The following EAF1 variants were observed in gnomAD, a reference collection of about 807,000 sequenced individuals.
The protein encoded by EAF1 is ELL associated factor 1.
Under a neutral mutation model 26.6 loss-of-function variants are expected in EAF1, and 19 were observed. The ratio of observed to expected loss-of-function variants is 0.71; its 90% CI spans 0.50 to 1.05. The LOEUF (loss-of-function observed/expected upper bound fraction) is 1.05, where lower values mean the gene tolerates loss of function less well. Ranked by LOEUF, EAF1 falls within the 50% of genes least tolerant of loss-of-function variation. The pLI is 0.00. For missense variants in EAF1, 260 were observed against 335.5 expected (o/e 0.78, Z 1.76); for synonymous variants, 102 against 120.6 (o/e 0.85, Z 1.01).
intron 1 of EAF1, among the ~76,000 whole-genome samples, chr3:15,429,239 A>G (rs1466848378): frequency 6.6e-6 from 1 of 152,072 alleles, no homozygotes; most frequent in Non-Finnish European, 1.5e-5. Context: ...GGTGGCTGAC[A>G]CTATAATCCC....
rs977246072 is a variant in EAF1, at chr3:15,442,021, G to A, written c.*2866G>A. The A allele has an allele frequency of 6.6e-6, 1 of 152,586 alleles. No individual in the cohort carries two copies. The highest frequency in any genetic ancestry group is 1.5e-5 in the Non-Finnish European group (1 of 68,038). The allele number at this position is 152,586 out of a possible 1,614,324, so 9.5% of individuals were successfully genotyped here. The stretch of plus-strand genomic sequence containing the variant: ...GCGCTTAGTAAGCCTTAGTAAAGTT[G>A]TGATTGAAGAAACTTAATACAAATG... On this transcript the variant is annotated 3_prime_UTR_variant, in exon 6 of 6. Coordinates refer to ENST00000396842, the MANE Select transcript of EAF1 (RefSeq NM_033083.7).
At chr3:15,437,343 G>A (rs1371078080) in intron 5 of EAF1, among the ~76,000 whole-genome samples, 1 of 148,420 alleles carries the variant, frequency 6.7e-6, no homozygotes, top group Non-Finnish European at 1.5e-5. Context: ...GGTAGAGACA[G>A]GGTTTCGCCA....
At chr3:15,432,364 G>A (rs1215334516) in intron 3 of EAF1, 141 bp downstream of exon 3, 30 of 1,003,930 alleles carry the variant, frequency 3.0e-5, no homozygotes, top group South Asian at 1.7e-4. Flanking sequence ...GACAAAATAT[G>A]TAAATATGTG....
chr3:15,431,959 T>A, intron 2 of EAF1, 128 bp from the exon 3 acceptor site: 1 of 1,065,742 alleles, frequency 9.4e-7, no homozygotes, highest in Non-Finnish European at 1.3e-6. Flanking sequence ...AAAATAGAAA[T>A]CAGTTCAACC....
chr3:15,429,555 C>G (rs2301268), intron 1 of EAF1, among the ~76,000 whole-genome samples: 9,439 of 152,254 alleles, frequency 0.062, 776 homozygotes, highest in African/African-American at 0.19. Context: ...CAATTTTCCT[C>G]TCTCCCTTGG....
chr3:15,435,194 T>A (rs1348681073), intron 4 of EAF1, among the ~76,000 whole-genome samples: 1 of 152,220 alleles, frequency 6.6e-6, no homozygotes, highest in African/African-American at 2.4e-5. Flanking sequence ...TAGAAACAGA[T>A]ACTGGCCTAG....
chr3:15,440,984 CCTCT>C lies in EAF1; in HGVS notation c.*1836_*1839del, dbSNP rs918738341. On this transcript the variant is annotated 3_prime_UTR_variant, in exon 6 of 6. Coordinates refer to ENST00000396842, the MANE Select transcript of EAF1 (RefSeq NM_033083.7). ...CTTGAACTAAAAATATCTATTTAAG[CCTCT>C]CTCTCTTTCTCTCCTCCCCAACTTT... 7.1e-4 allele frequency: 108 copies of C among 152,594 alleles called. No homozygotes were observed. The highest frequency in any genetic ancestry group is 2.4e-3 in the African/African-American group (99 of 41,496). 9.5% of individuals were successfully genotyped at this position (152,594 alleles called of 1,614,324 possible).
At chr3:15,428,260 T>C (rs1255975276) in intron 1 of EAF1, among the ~76,000 whole-genome samples, 1 of 148,760 alleles carries the variant, frequency 6.7e-6, no homozygotes, top group African/African-American at 2.5e-5. Flanking sequence ...CTCCCCTCCT[T>C]TCCGATGCTC....
chr3:15,430,019 TC>T lies in EAF1; in HGVS notation c.198+13del, dbSNP rs755680104. ...TGCCACATATCCCTGTGAGTTTATT[TC>T]ATTTTTTTTTTTAATGTAAGATCAC... On this transcript the variant is annotated intron_variant, in intron 2 of 5. Transcript: ENST00000396842. 3.3e-5 allele frequency: 51 copies of T among 1,539,618 alleles called. 1 individual carries two copies. Among genetic ancestry groups the T allele is most frequent in the South Asian group, 1.8e-4 (15 of 83,994 alleles).
chr3:15,433,168 C>T (rs2061812223), intron 3 of EAF1: 1 of 146,510 alleles, frequency 6.8e-6, no homozygotes, highest in South Asian at 2.2e-4. Context: ...CCATGCTAAT[C>T]TTCTCTGTAT....
intron 4 of EAF1, among the ~76,000 whole-genome samples, chr3:15,435,628 C>T: frequency 6.6e-6 from 1 of 152,208 alleles, no homozygotes; most frequent in Non-Finnish European, 1.5e-5. Context: ...ACAGGAAAAT[C>T]TGGCGCCTTT....
At chr3:15,432,717 T>G (rs564552610) in intron 3 of EAF1, among the ~76,000 whole-genome samples, 1 of 151,970 alleles carries the variant, frequency 6.6e-6, no homozygotes, top group Non-Finnish European at 1.5e-5. Flanking sequence ...CCAGTTAGAG[T>G]TTATTTGAAA....
rs542941786 is a variant in EAF1, at chr3:15,439,334, C to T, written c.*179C>T. The T allele has an allele frequency of 7.1e-5, 35 of 489,870 alleles. No individual in the cohort carries two copies. The highest frequency in any genetic ancestry group is 3.2e-4 in the South Asian group (7 of 21,952). 30.3% of individuals were successfully genotyped at this position (489,870 alleles called of 1,614,324 possible). A position where few individuals can be genotyped will look rare whatever the true frequency, so the allele number is the denominator to read the frequency against. ...ACTTAGTGGTGATGGGTGATTTTCTCGTGTCATTTTTGAACAATCTCATCT... is the reference window on the plus strand; with the variant it reads ...ACTTAGTGGTGATGGGTGATTTTCTTGTGTCATTTTTGAACAATCTCATCT... On this transcript the variant is annotated 3_prime_UTR_variant, in exon 6 of 6. Transcript: ENST00000396842.
intron 5 of EAF1, 136 bp downstream of exon 5, chr3:15,436,711 G>C: frequency 3.0e-6 from 2 of 675,152 alleles, no homozygotes; most frequent in South Asian, 7.1e-5. Flanking sequence ...GGAGCAGAAA[G>C]GTGTGAGTTA....
chr3:15,434,303 C>A, intron 3 of EAF1, 45 bp from the exon 4 acceptor site: 1 of 1,595,496 alleles, frequency 6.3e-7, no homozygotes, highest in Non-Finnish European at 8.6e-7. Flanking sequence ...AATTTGAGAA[C>A]CACTATTTTT....
Position 15,427,856 on chromosome 3 carries a change from C to T in EAF1, c.77C>T (p.Pro26Leu). ...LRLGESFEKRPRASFHTIRYD... is the reference protein window; with the variant it reads ...LRLGESFEKRLRASFHTIRYD... The stretch of plus-strand genomic sequence containing the variant: ...CTCGGGGAGAGCTTCGAGAAGCGGC[C>T]GCGGGCCTCCTTCCACACTATTCGT... The change falls in exon 1 of 6, where the codon CCG becomes CTG. Residue 26 changes from proline to leucine, a missense_variant. Physicochemically the swap from Pro to Leu is moderately conservative, Grantham distance 98 (BLOSUM62 -3). Coordinates refer to ENST00000396842, the MANE Select transcript of EAF1 (RefSeq NM_033083.7). 3.2e-6 allele frequency: 5 copies of T among 1,550,500 alleles called. No homozygotes were observed. Among genetic ancestry groups the T allele is most frequent in the Non-Finnish European group, 4.4e-6 (5 of 1,146,502 alleles).
At position 15,439,271 on chromosome 3, in the gene EAF1, G is replaced by A; in HGVS notation, c.*116G>A. 1 of 968,092 alleles carries A rather than the reference G, an allele frequency of 1.0e-6. No individual in the cohort carries two copies. The highest frequency in any genetic ancestry group is 1.6e-6 in the Non-Finnish European group (1 of 644,426). 60.0% of individuals were successfully genotyped at this position (968,092 alleles called of 1,614,324 possible). ...TTATGGATCAGTGACTGTAGTAGGA[G>A]TTTGAGGCTCTGGAACTCTCACATA... On this transcript the variant is annotated 3_prime_UTR_variant, in exon 6 of 6. Transcript: ENST00000396842.
intron 5 of EAF1, among the ~76,000 whole-genome samples, chr3:15,438,150 T>G (rs1360073172): frequency 6.6e-6 from 1 of 152,186 alleles, no homozygotes; most frequent in Non-Finnish European, 1.5e-5. Context: ...GCCTAGAGAT[T>G]AGCAATTTGG....
chr3:15,430,132 A>G, intron 2 of EAF1, 125 bp downstream of exon 2: 1 of 765,566 alleles, frequency 1.3e-6, no homozygotes, highest in Non-Finnish European at 2.0e-6. Context: ...CTTAAGGAAA[A>G]AAGTAATTTT....
Sources: allele counts gnomAD v4.1 joint callset (sites outside exome capture counted in the v4.1 genomes callset), GRCh38; gene constraint gnomAD v4.1.1; transcripts MANE v1.5; gene names NCBI Gene and HGNC (gene_info 2026-07-23, HGNC 2026-07-21).